The following GRID2 variants were observed in gnomAD, a reference collection of about 807,000 sequenced individuals.
The protein encoded by GRID2 is glutamate receptor ionotropic, delta-2.
GRID2 carries 33 observed loss-of-function variants against 114.8 expected under a neutral mutation model. The ratio of observed to expected loss-of-function variants is 0.29; its 90% CI spans 0.22 to 0.38. The LOEUF is 0.38. GRID2 is among the 10% of genes least tolerant of loss of function. The probability of loss-of-function intolerance (pLI) is 1.00; values close to 1 mark genes in which losing one functional copy is unlikely to be tolerated. For synonymous variants in GRID2, 505 were observed against 449.9 expected, an observed-to-expected ratio of 1.12 and a Z score of -1.55; for missense variants, 1,184 against 1,257.7, an observed-to-expected ratio of 0.94 and a Z score of 0.89.
intron 13 of GRID2, among the ~76,000 whole-genome samples, chr4:93,578,970 T>C (rs1736711194): frequency 6.6e-6 from 1 of 152,206 alleles, no homozygotes; most frequent in Non-Finnish European, 1.5e-5. Context: ...CTCATTGATT[T>C]CCTCTTTATG....
chr4:93,758,120 T>C (rs1732908264), intron 14 of GRID2, among the ~76,000 whole-genome samples: 2 of 152,192 alleles, frequency 1.3e-5, no homozygotes, highest in African/African-American at 4.8e-5. Flanking sequence ...TATGTTACTG[T>C]CTAAACACTC....
intron 2 of GRID2, among the ~76,000 whole-genome samples, chr4:92,757,974 G>A (rs541955050): frequency 1.3e-5 from 2 of 152,146 alleles, no homozygotes; most frequent in South Asian, 4.1e-4. Flanking sequence ...AGAACATGGG[G>A]GTGAGATGGG....
chr4:93,596,048 C>T (rs1434601801), intron 13 of GRID2, among the ~76,000 whole-genome samples: 2 of 152,108 alleles, frequency 1.3e-5, no homozygotes, highest in East Asian at 1.9e-4. Flanking sequence ...ATCTGTGTGG[C>T]AGAACTGGGT....
chr4:93,375,037 G>C (rs949351047), intron 8 of GRID2, among the ~76,000 whole-genome samples: 5 of 151,958 alleles, frequency 3.3e-5, no homozygotes, highest in African/African-American at 9.7e-5. Flanking sequence ...TACAGGGAAG[G>C]ACCAGGGAAT....
chr4:93,120,690 A>T (rs1733699506), intron 4 of GRID2, among the ~76,000 whole-genome samples: 3 of 152,140 alleles, frequency 2.0e-5, no homozygotes, highest in Admixed American at 6.6e-5. Flanking sequence ...GCGGTGGCTC[A>T]GGCCTGTAAT....
intron 8 of GRID2, among the ~76,000 whole-genome samples, chr4:93,274,647 T>G (rs1751851184): frequency 6.6e-6 from 1 of 152,078 alleles, no homozygotes. Flanking sequence ...CTTGTTTCTT[T>G]CTTCCATGTA....
chr4:93,094,176 T>C (rs556089020), intron 3 of GRID2, among the ~76,000 whole-genome samples: 1 of 152,170 alleles, frequency 6.6e-6, no homozygotes, highest in East Asian at 1.9e-4. Flanking sequence ...TTATTTGCTT[T>C]CTATTAAGGT....
At chr4:92,629,920 T>C (rs1335258974) in intron 2 of GRID2, among the ~76,000 whole-genome samples, 2 of 147,746 alleles carry the variant, frequency 1.4e-5, no homozygotes, top group African/African-American at 4.9e-5. Flanking sequence ...TATATAATTA[T>C]ATTATAAATT....
At chr4:93,335,102 T>C (rs1159137960) in intron 8 of GRID2, among the ~76,000 whole-genome samples, 1 of 135,446 alleles carries the variant, frequency 7.4e-6, no homozygotes, top group Non-Finnish European at 1.5e-5. Context: ...AAACAATATG[T>C]ATATAGTTGA....
At chr4:93,089,836 G>A (rs1730626196) in intron 3 of GRID2, among the ~76,000 whole-genome samples, 1 of 152,076 alleles carries the variant, frequency 6.6e-6, no homozygotes, top group South Asian at 2.1e-4. Context: ...ATTACTCATG[G>A]TACAGCAAGC....
intron 13 of GRID2, among the ~76,000 whole-genome samples, chr4:93,587,965 C>T (rs1458349754): frequency 6.6e-6 from 1 of 151,988 alleles, no homozygotes. Flanking sequence ...AGGGATGATC[C>T]AAGAATCCAG....
At chr4:92,756,502 T>C (rs1737726986) in intron 2 of GRID2, among the ~76,000 whole-genome samples, 1 of 152,150 alleles carries the variant, frequency 6.6e-6, no homozygotes, top group African/African-American at 2.4e-5. Flanking sequence ...CTAATTTTAG[T>C]TTTTTGAGAA....
intron 1 of GRID2, among the ~76,000 whole-genome samples, chr4:92,573,504 A>G (rs1727730049): frequency 6.6e-6 from 1 of 152,014 alleles, no homozygotes; most frequent in Non-Finnish European, 1.5e-5. Flanking sequence ...TTAATCTGGT[A>G]TGTTGTTTCT....
intron 14 of GRID2, among the ~76,000 whole-genome samples, chr4:93,766,797 A>T (rs994803576): frequency 6.6e-6 from 1 of 152,126 alleles, no homozygotes; most frequent in Non-Finnish European, 1.5e-5. Context: ...ATTATTTTTT[A>T]TTATTATGGT....
chr4:92,804,489 A>G (rs1463863353), intron 2 of GRID2, among the ~76,000 whole-genome samples: 1 of 151,664 alleles, frequency 6.6e-6, no homozygotes, highest in Non-Finnish European at 1.5e-5. Context: ...GTTATAAGTA[A>G]AAAAAATGGT....
intron 2 of GRID2, among the ~76,000 whole-genome samples, chr4:92,919,306 C>T (rs544437090): frequency 2.0e-5 from 3 of 152,098 alleles, no homozygotes. Context: ...AAACCAGCTC[C>T]TGGATTCATT....
intron 2 of GRID2, among the ~76,000 whole-genome samples, chr4:92,810,216 T>C (rs1252210219): frequency 2.6e-5 from 4 of 152,006 alleles, no homozygotes; most frequent in South Asian, 4.1e-4. Flanking sequence ...AGTTTCTAAT[T>C]TGATGAAATT....
intron 2 of GRID2, among the ~76,000 whole-genome samples, chr4:93,044,493 A>G (rs1029635376): frequency 6.6e-6 from 1 of 152,174 alleles, no homozygotes. Context: ...ATGTAGAATA[A>G]GCATTTATAA....
At chr4:93,017,574 G>A (rs1266985547) in intron 2 of GRID2, among the ~76,000 whole-genome samples, 1 of 151,772 alleles carries the variant, frequency 6.6e-6, no homozygotes, top group Non-Finnish European at 1.5e-5. Flanking sequence ...AGCACTTTTG[G>A]GAGCCCGATT....
Sources: allele counts gnomAD v4.1 joint callset (sites outside exome capture counted in the v4.1 genomes callset), GRCh38; gene constraint gnomAD v4.1.1; transcripts MANE v1.5; gene names NCBI Gene and HGNC (gene_info 2026-07-23, HGNC 2026-07-21).